TRPC5: variants seen among roughly 807,000 people sequenced by gnomAD.
The protein encoded by TRPC5 is transient receptor potential cation channel subfamily C member 5.
In TRPC5, 9 loss-of-function variants were observed where a neutral mutation model predicts 56.5. That is an observed-to-expected ratio of 0.16 (90% CI 0.10 to 0.28). The LOEUF is 0.28. TRPC5 is among the 10% of genes least tolerant of loss of function. TRPC5 has a pLI of 1.00. For synonymous variants in TRPC5, 282 were observed against 278.5 expected, an observed-to-expected ratio of 1.01 and a Z score of -0.13; for missense variants, 469 against 748.9, an observed-to-expected ratio of 0.63 and a Z score of 4.36.
At chrX:112,001,009 A>C (rs761345940) in intron 1 of TRPC5, among the ~76,000 whole-genome samples, 1 of 112,328 alleles carries the variant, frequency 8.9e-6, no homozygotes, top group South Asian at 3.7e-4. Flanking sequence ...ATAATATTGG[A>C]CATTTTAGAG....
chrX:111,793,669 C>G (rs766298877), intron 7 of TRPC5, among the ~76,000 whole-genome samples: 7 of 111,832 alleles, frequency 6.3e-5, no homozygotes, highest in African/African-American at 2.3e-4. Flanking sequence ...AAACATAGAG[C>G]TACCACATGA....
At chrX:111,850,339 T>A (rs1923049303) in intron 5 of TRPC5, among the ~76,000 whole-genome samples, 1 of 111,991 alleles carries the variant, frequency 8.9e-6, no homozygotes, top group African/African-American at 3.2e-5. Context: ...GGAATAGATA[T>A]TGTTGACTAA....
chrX:111,904,741 T>C (rs1925528110), intron 3 of TRPC5, among the ~76,000 whole-genome samples: 1 of 111,439 alleles, frequency 9.0e-6, no homozygotes, highest in South Asian at 3.7e-4. Flanking sequence ...CCAAGGCACG[T>C]TTACCTATGT....
intron 1 of TRPC5, among the ~76,000 whole-genome samples, chrX:112,055,363 G>A (rs1387542011): frequency 1.8e-5 from 2 of 111,699 alleles, no homozygotes; most frequent in Non-Finnish European, 3.8e-5. Flanking sequence ...AGAAGTAGGC[G>A]AAACAGATTT....
intron 1 of TRPC5, among the ~76,000 whole-genome samples, chrX:112,080,347 G>A (rs1662851492): frequency 9.5e-6 from 1 of 105,624 alleles, no homozygotes; most frequent in African/African-American, 3.5e-5. Context: ...TGTTACAAAA[G>A]CAGAGCCAAG....
intron 3 of TRPC5, chrX:111,903,275 A>G (rs1925445948): frequency 8.9e-6 from 1 of 112,573 alleles, no homozygotes; most frequent in Non-Finnish European, 1.9e-5. Context: ...ATTAGAGTTA[A>G]TAGTGAAAAG....
At chrX:111,892,956 G>C (rs986221157) in intron 3 of TRPC5, among the ~76,000 whole-genome samples, 1 of 111,470 alleles carries the variant, frequency 9.0e-6, no homozygotes, top group Admixed American at 9.5e-5. Flanking sequence ...AATTCGTTGT[G>C]CTAACTAACT....
At chrX:111,915,414 A>G (rs1028397919) in intron 2 of TRPC5, among the ~76,000 whole-genome samples, 4 of 111,252 alleles carry the variant, frequency 3.6e-5, no homozygotes, top group Admixed American at 9.5e-5. Context: ...TCCTCCTATC[A>G]GTGTTGTCAC....
At chrX:112,037,486 C>G (rs1319036469) in intron 1 of TRPC5, among the ~76,000 whole-genome samples, 1 of 111,811 alleles carries the variant, frequency 8.9e-6, no homozygotes, top group African/African-American at 3.3e-5. Context: ...GACATTCATA[C>G]CAATTTTCTT....
rs1945917834 is a variant in TRPC5 at position 111,781,290 on chromosome X, A to G, written c.2101-84T>C. 4.6e-6 allele frequency: 4 copies of G among 867,338 alleles called. No homozygotes were observed. The Admixed American group carries it at 6.9e-5, about 15-fold the overall frequency. The allele number at this position is 867,338 out of a possible 1,213,427, so 71.5% of individuals were successfully genotyped here. ...CAAACATCTGAATATAATTATTTCT[A>G]TATATTAGGACTAGAGAATGCTACA... On this transcript the variant is annotated intron_variant, in intron 8 of 10. Coordinates refer to ENST00000262839, the MANE Select transcript of TRPC5 (RefSeq NM_012471.3).
chrX:111,841,383 A>G (rs1922725613), intron 6 of TRPC5, among the ~76,000 whole-genome samples: 1 of 112,010 alleles, frequency 8.9e-6, no homozygotes, highest in Non-Finnish European at 1.9e-5. Context: ...TTGTATGCCT[A>G]GATTGAAATC....
intron 5 of TRPC5, among the ~76,000 whole-genome samples, chrX:111,850,319 C>T (rs1023850629): frequency 2.7e-5 from 3 of 111,680 alleles, no homozygotes; most frequent in Non-Finnish European, 5.6e-5. Flanking sequence ...TGCTTTAGAT[C>T]ATGTGAAGTG....
Position 111,776,933 on chromosome X carries a change from T to C in TRPC5, c.2302A>G (p.Arg768Gly). 8.4e-7 allele frequency: 1 copy of C among 1,186,983 alleles called. No homozygotes were observed. The highest frequency in any genetic ancestry group is 1.8e-5 in the African/African-American group (1 of 56,937). Residue 768 changes from arginine to glycine, a missense_variant, in exon 11 of 11, where the codon AGG becomes GGG. By Grantham distance (125) the Arg-to-Gly change is moderately radical. Coordinates refer to ENST00000262839, the MANE Select transcript of TRPC5 (RefSeq NM_012471.3). ...LDLLGNRKHP[R>G]SFSTSSTELS... Reference sequence around the variant, plus strand: ...TCAGTGCTGCTAGTGGAAAAGCTCCTTGGATGTTTTCTATTTCCCAAGAGG... The same window carrying C: ...TCAGTGCTGCTAGTGGAAAAGCTCCCTGGATGTTTTCTATTTCCCAAGAGG...
intron 1 of TRPC5, among the ~76,000 whole-genome samples, chrX:112,017,863 C>T (rs1929169264): frequency 8.9e-6 from 1 of 112,096 alleles, no homozygotes; most frequent in Admixed American, 9.5e-5. Context: ...AGTACAGTAG[C>T]TATGAGCCAC....
At chrX:111,968,972 T>A (rs866838631) in intron 1 of TRPC5, among the ~76,000 whole-genome samples, 1 of 93,495 alleles carries the variant, frequency 1.1e-5, no homozygotes, top group Non-Finnish European at 2.1e-5. Flanking sequence ...ACTTAAAGTA[T>A]AATAAAATAA....
intron 7 of TRPC5, among the ~76,000 whole-genome samples, chrX:111,819,608 A>G (rs890443155): frequency 8.9e-6 from 1 of 111,963 alleles, no homozygotes; most frequent in Non-Finnish European, 1.9e-5. Context: ...AGATAGAGGT[A>G]TACCTTATCA....
chrX:112,032,022 G>T (rs1929601124), intron 1 of TRPC5, among the ~76,000 whole-genome samples: 1 of 110,400 alleles, frequency 9.1e-6, no homozygotes, highest in Non-Finnish European at 1.9e-5. Flanking sequence ...ATCCAAAATA[G>T]GTAAGGAACT....
At chrX:111,859,453 G>A (rs1200923772) in intron 3 of TRPC5, among the ~76,000 whole-genome samples, 2 of 112,437 alleles carry the variant, frequency 1.8e-5, no homozygotes, top group African/African-American at 6.5e-5. Flanking sequence ...AATGCACCAA[G>A]AATAATTATT....
intron 1 of TRPC5, among the ~76,000 whole-genome samples, chrX:112,035,920 C>T (rs370717466): frequency 3.7e-5 from 4 of 109,302 alleles, no homozygotes; most frequent in African/African-American, 1.0e-4. Flanking sequence ...TGAGCTATCG[C>T]GCCCGGCCTA....
Sources: allele counts gnomAD v4.1 joint callset (sites outside exome capture counted in the v4.1 genomes callset), GRCh38; gene constraint gnomAD v4.1.1; transcripts MANE v1.5; gene names NCBI Gene and HGNC (gene_info 2026-07-23, HGNC 2026-07-21).